The following PCDHGB1 variants were observed in gnomAD, a reference collection of about 807,000 sequenced individuals.
PCDHGB1 encodes protocadherin gamma-B1.
A neutral mutation model predicts 56.6 loss-of-function variants in PCDHGB1; 34 were observed. The ratio of observed to expected loss-of-function variants is 0.60; its 90% confidence interval spans 0.46 to 0.80. PCDHGB1 has a LOEUF of 0.80. Ranked by LOEUF, PCDHGB1 falls within the 30% of genes least tolerant of loss-of-function variation. The probability of loss-of-function intolerance (pLI) is 0.00; values close to 1 mark genes in which losing one functional copy is unlikely to be tolerated. For missense variants in PCDHGB1, 1,278 were observed against 1,204.6 expected (o/e 1.06, Z -0.90); for synonymous variants, 561 against 505.9 (o/e 1.11, Z -1.46).
At position 141,384,652 on chromosome 5, in the gene PCDHGB1, G is replaced by A. The variant is rs372721131; in HGVS notation, c.2409+31983G>A. ...GCTGGCACCCCGCTCCGCAGAGCCC[G>A]GCTACCTGGTGACCAAGGTGGTGGC... On this transcript the variant is annotated intron_variant, in intron 1 of 3. Coordinates refer to ENST00000523390, the MANE Select transcript of PCDHGB1 (RefSeq NM_018922.3). The A allele has an allele frequency of 7.4e-6, 12 of 1,614,110 alleles. No homozygotes were observed. The South Asian group carries it at 1.1e-4, about 15-fold the overall frequency.
chr5:141,375,608 T>G (rs1771640619), intron 1 of PCDHGB1: 1 of 1,614,000 alleles, frequency 6.2e-7, no homozygotes, highest in South Asian at 1.1e-5. Context: ...GTCCATCAAC[T>G]CCGACACTGG....
intron 1 of PCDHGB1, chr5:141,484,903 G>A: frequency 2.5e-6 from 1 of 407,434 alleles, no homozygotes; most frequent in Non-Finnish European, 4.4e-6. Context: ...CTCCAATGCT[G>A]CGACGCATTA....
At chr5:141,494,783 C>G (rs2099756910) in intron 1 of PCDHGB1, 24 bp from the exon 2 acceptor site, 2 of 1,613,964 alleles carry the variant, frequency 1.2e-6, no homozygotes, top group Admixed American at 3.3e-5. Context: ...GTACTCAGCC[C>G]CTTTCCCTCT....
chr5:141,444,237 T>G (rs1315900009), intron 1 of PCDHGB1, among the ~76,000 whole-genome samples: 1 of 137,132 alleles, frequency 7.3e-6, no homozygotes, highest in Admixed American at 8.0e-5. Flanking sequence ...AATGGCATGC[T>G]CTCGGCTCAC....
chr5:141,464,053 T>C (rs111614367), intron 1 of PCDHGB1, among the ~76,000 whole-genome samples: 9,857 of 152,054 alleles, frequency 0.065, 668 homozygotes, highest in African/African-American at 0.17. Flanking sequence ...TCACCTGAGG[T>C]CAGGAGTTCA....
rs772864846 is a variant in PCDHGB1, at chr5:141,352,076, C to T, written c.1816C>T (p.Gln606Ter). ...CGCTTGGCTGTCCTACCACGTGCTGCAGGCCAGCGAGCCCGGGCTCTTCAG... is the reference window on the plus strand; with the variant it reads ...CGCTTGGCTGTCCTACCACGTGCTGTAGGCCAGCGAGCCCGGGCTCTTCAG... ...HNAWLSYHVLQASEPGLFSLG... is the reference protein window; with the variant it reads ...HNAWLSYHVL The change falls in exon 1 of 4, where the codon CAG becomes TAG. Residue 606 changes from glutamine to a stop codon, truncating the protein, a stop_gained. Transcript: ENST00000523390. LOFTEE classifies it high-confidence loss of function. 7.5e-6 allele frequency: 12 copies of T among 1,604,858 alleles called. No individual in the cohort carries two copies. In the African/African-American group the frequency reaches 1.2e-4, roughly 16 times the overall value.
At chr5:141,389,609 G>A (rs1188923316) in intron 1 of PCDHGB1, 3 of 1,612,966 alleles carry the variant, frequency 1.9e-6, no homozygotes, top group South Asian at 2.2e-5. Flanking sequence ...TCTTCGATAT[G>A]GTGCCGCACG....
chr5:141,399,796 C>A (rs62621781), intron 1 of PCDHGB1: 1 of 1,613,212 alleles, frequency 6.2e-7, no homozygotes. Context: ...CAACGCACCG[C>A]GGGTGCTGTA....
chr5:141,369,402 C>A (rs1207187527), intron 1 of PCDHGB1, among the ~76,000 whole-genome samples: 2 of 152,072 alleles, frequency 1.3e-5, no homozygotes, highest in Non-Finnish European at 2.9e-5. Flanking sequence ...CAGGGTGGTT[C>A]ATGACTATAA....
intron 1 of PCDHGB1, among the ~76,000 whole-genome samples, chr5:141,450,315 G>A (rs1319432573): frequency 1.3e-5 from 2 of 151,918 alleles, no homozygotes; most frequent in African/African-American, 4.8e-5. Context: ...GTGTGGCCTA[G>A]TTGCCATGTC....
chr5:141,356,699 C>G (rs1303768653), intron 1 of PCDHGB1: 1 of 1,613,914 alleles, frequency 6.2e-7, no homozygotes, highest in Non-Finnish European at 8.5e-7. Flanking sequence ...CAGGGTGCAC[C>G]TCTGTCCTCC....
chr5:141,444,280 T>C (rs1217749098), intron 1 of PCDHGB1, among the ~76,000 whole-genome samples: 1 of 147,614 alleles, frequency 6.8e-6, no homozygotes, highest in East Asian at 2.1e-4. Context: ...CAAGTGATTC[T>C]CCTGCCTCAG....
intron 1 of PCDHGB1, chr5:141,365,694 C>A (rs757316678): frequency 5.0e-6 from 8 of 1,613,466 alleles, no homozygotes; most frequent in South Asian, 1.1e-5. Flanking sequence ...TTCCCTCAAG[C>A]CTCCTACTCC....
chr5:141,352,797 A>G, intron 1 of PCDHGB1, 128 bp downstream of exon 1: 4 of 930,292 alleles, frequency 4.3e-6, no homozygotes, highest in Non-Finnish European at 4.8e-6. Flanking sequence ...TGAGACCAGC[A>G]TAGCCAAGAT....
chr5:141,409,629 C>T (rs1379627250), intron 1 of PCDHGB1: 3 of 1,613,860 alleles, frequency 1.9e-6, no homozygotes, highest in East Asian at 4.5e-5. Flanking sequence ...CAAGTGAGCG[C>T]CTCTGACCCG....
intron 3 of PCDHGB1, 86 bp downstream of exon 3, chr5:141,505,567 T>C: frequency 6.3e-7 from 1 of 1,599,440 alleles, no homozygotes; most frequent in South Asian, 1.1e-5. Flanking sequence ...ACGGACTGGA[T>C]GTCAAACCTG....
At chr5:141,405,499 A>C in intron 1 of PCDHGB1, 9 of 782,122 alleles carry the variant, frequency 1.2e-5, no homozygotes, top group Non-Finnish European at 1.8e-5. Context: ...GGCTCATTGC[A>C]ACCTCCGCCT....
intron 1 of PCDHGB1, chr5:141,405,405 T>C (rs765108115): frequency 1.4e-5 from 22 of 1,588,008 alleles, no homozygotes; most frequent in Non-Finnish European, 1.9e-5. Context: ...TTTCTTTCTT[T>C]TCTTTTTTTG....
At chr5:141,419,172 T>A in intron 1 of PCDHGB1, 1 of 1,613,914 alleles carries the variant, frequency 6.2e-7, no homozygotes, top group Non-Finnish European at 8.5e-7. Context: ...AGCAAAACCA[T>A]AACCCTGCAC....
Sources: allele counts gnomAD v4.1 joint callset (sites outside exome capture counted in the v4.1 genomes callset), GRCh38; gene constraint gnomAD v4.1.1; transcripts MANE v1.5; gene names NCBI Gene and HGNC (gene_info 2026-07-23, HGNC 2026-07-21).